The following TRAPPC10 variants were observed in gnomAD, a reference collection of about 807,000 sequenced individuals.
TRAPPC10 encodes trafficking protein particle complex subunit 10.
Under a neutral mutation model 125.5 loss-of-function variants are expected in TRAPPC10, and 23 were observed. The ratio of observed to expected loss-of-function variants is 0.18; its 90% CI spans 0.13 to 0.26. The LOEUF is 0.26. Ranked by LOEUF, TRAPPC10 falls within the 10% of genes least tolerant of loss-of-function variation. TRAPPC10 has a pLI of 1.00. For missense variants in TRAPPC10, 1,123 were observed against 1,308.4 expected (o/e 0.86, Z 2.19); for synonymous variants, 509 against 518.0 (o/e 0.98, Z 0.24).
At chr21:44,031,925 G>T (rs893386351) in intron 1 of TRAPPC10, among the ~76,000 whole-genome samples, 166 bp from the exon 2 acceptor site, 5 of 152,170 alleles carry the variant, frequency 3.3e-5, no homozygotes, top group Non-Finnish European at 7.3e-5. Flanking sequence ...CCCGTGCTGG[G>T]TTTTCCTGAG....
intron 7 of TRAPPC10, among the ~76,000 whole-genome samples, chr21:44,067,489 C>T (rs181653811): frequency 6.6e-6 from 1 of 152,180 alleles, no homozygotes; most frequent in East Asian, 1.9e-4. Flanking sequence ...GTTGTGAGAG[C>T]TGTTGCTGAA....
chr21:44,049,294 C>T (rs924593458), intron 3 of TRAPPC10, among the ~76,000 whole-genome samples: 14 of 152,326 alleles, frequency 9.2e-5, no homozygotes, highest in African/African-American at 3.4e-4. Flanking sequence ...CTGGTTTCCT[C>T]CCTTCTATGT....
At chr21:44,069,862 T>C (rs2036730142) in intron 7 of TRAPPC10, among the ~76,000 whole-genome samples, 1 of 152,014 alleles carries the variant, frequency 6.6e-6, no homozygotes, top group East Asian at 1.9e-4. Context: ...AACCTGAAGT[T>C]GAGCTAAAGA....
At chr21:44,029,150 A>C (rs1024632728) in intron 1 of TRAPPC10, among the ~76,000 whole-genome samples, 2 of 152,160 alleles carry the variant, frequency 1.3e-5, no homozygotes, top group Non-Finnish European at 2.9e-5. Flanking sequence ...GCTGGAGTGC[A>C]GTGGCGTGAT....
intron 3 of TRAPPC10, 137 bp downstream of exon 3, chr21:44,038,064 A>G (rs2034124010): frequency 1.6e-6 from 2 of 1,263,354 alleles, no homozygotes; most frequent in Admixed American, 4.5e-5. Context: ...CTGTGTGAGT[A>G]CCAGTGGGGG....
At position 44,032,074 on chromosome 21, in the gene TRAPPC10, C is replaced by G; in HGVS notation, c.68-17C>G. On this transcript the variant is annotated splice_polypyrimidine_tract_variant and intron_variant, in intron 1 of 22. Coordinates refer to ENST00000291574, the MANE Select transcript of TRAPPC10 (RefSeq NM_003274.5). ...ACCTAAAAATATGGTAACTGAATTT[C>G]TTTCTTCCCTTCATAGGTGCTGGAG... is the stretch of plus-strand genomic sequence containing the variant. 2 of 1,601,950 alleles carry G rather than the reference C, an allele frequency of 1.2e-6. No homozygotes were observed. The highest frequency in any genetic ancestry group is 1.7e-6 in the Non-Finnish European group (2 of 1,173,396).
At chr21:44,088,134 G>T (rs900907583) in intron 17 of TRAPPC10, 6 of 587,038 alleles carry the variant, frequency 1.0e-5, no homozygotes, top group African/African-American at 9.3e-5. Flanking sequence ...AGACAAGCCA[G>T]CTCTACCTTT....
chr21:44,087,504 T>G lies in TRAPPC10; in HGVS notation c.2540-195T>G, dbSNP rs1366668011. 6.6e-6 allele frequency among the ~76,000 whole-genome samples: 1 copy of G among 152,146 alleles called. No homozygotes were observed. The highest frequency in any genetic ancestry group is 1.5e-5 in the Non-Finnish European group (1 of 68,012). On this transcript the variant is annotated intron_variant, in intron 16 of 22. Transcript: ENST00000291574. The surrounding 1 kb of genome is among the most constrained non-coding windows in gnomAD (Gnocchi z 4.6). ...TCTTCAGATTGAGATCAATGATGGG[T>G]CTGGGCGCCTGCCTGCCGGCTTTCA...
intron 15 of TRAPPC10, among the ~76,000 whole-genome samples, chr21:44,085,213 A>G (rs1484906563): frequency 6.6e-6 from 1 of 151,962 alleles, no homozygotes; most frequent in African/African-American, 2.4e-5. Flanking sequence ...CCAGCCTCCA[A>G]TCAACTCATT....
At chr21:44,043,501 C>T (rs545637254) in intron 3 of TRAPPC10, among the ~76,000 whole-genome samples, 23 of 152,262 alleles carry the variant, frequency 1.5e-4, no homozygotes, top group African/African-American at 4.8e-4. Flanking sequence ...CGTGAGCCAC[C>T]GTGCCTGGCC....
intron 1 of TRAPPC10, among the ~76,000 whole-genome samples, chr21:44,018,793 T>G (rs1430044893): frequency 6.6e-6 from 1 of 152,044 alleles, no homozygotes; most frequent in Non-Finnish European, 1.5e-5. Flanking sequence ...CAACTGACAG[T>G]GTGATTGTGT....
At chr21:44,022,846 A>G (rs1367370139) in intron 1 of TRAPPC10, among the ~76,000 whole-genome samples, 2 of 151,484 alleles carry the variant, frequency 1.3e-5, no homozygotes, top group Non-Finnish European at 2.9e-5. Context: ...TTGGAGCTGG[A>G]GGCTGGGTCA....
intron 20 of TRAPPC10, among the ~76,000 whole-genome samples, chr21:44,094,826 A>G (rs1194108765): frequency 6.6e-6 from 1 of 152,052 alleles, no homozygotes; most frequent in Admixed American, 6.6e-5. Context: ...TCTTCTCTTT[A>G]CTATTTGAAA....
intron 2 of TRAPPC10, among the ~76,000 whole-genome samples, chr21:44,033,842 G>C (rs894976148): frequency 6.6e-6 from 1 of 152,178 alleles, no homozygotes; most frequent in Non-Finnish European, 1.5e-5. Context: ...CAGCCTGGGT[G>C]ACAGAGCAAG....
chr21:44,037,281 TA>T (rs1274222196), intron 2 of TRAPPC10, among the ~76,000 whole-genome samples: 15 of 152,302 alleles, frequency 9.8e-5, no homozygotes, highest in Middle Eastern at 3.4e-3. Flanking sequence ...GAGAATAAAG[TA>T]GAGGTTTGTC....
Position 44,059,445 on chromosome 21 carries a change from T to A in TRAPPC10, c.790+231T>A. ...CTTAAGTAACAAAAATAATAATAAT[T>A]TAAAAAAACTGTTTTCCAGGTATAA... On this transcript the variant is annotated intron_variant, in intron 6 of 22. Coordinates refer to ENST00000291574, the MANE Select transcript of TRAPPC10 (RefSeq NM_003274.5). The surrounding 1 kb of genome is among the most constrained non-coding windows in gnomAD (Gnocchi z 4.4). 1.4e-6 allele frequency: 1 copy of A among 712,510 alleles called. No homozygotes were observed. The highest frequency in any genetic ancestry group is 2.6e-6 in the Non-Finnish European group (1 of 385,514). 44.1% of individuals were successfully genotyped at this position (712,510 alleles called of 1,614,324 possible). A position where few individuals can be genotyped will look rare whatever the true frequency, so the allele number is the denominator to read the frequency against.
At chr21:44,091,765 G>A (rs1426965298) in intron 18 of TRAPPC10, 158 bp from the exon 19 acceptor site, 36 of 701,400 alleles carry the variant, frequency 5.1e-5, no homozygotes, top group African/African-American at 1.3e-4. Context: ...GGCACTTTTC[G>A]GTGTGAAATC....
rs143954512 is a variant in TRAPPC10, at chr21:44,045,845, C to T, written c.286-6435C>T. ...TGCTGGGATTACAGGCGTGAGCCACCGCACCGGGCCAAGATTTTTTTTCTT... is the reference window on the plus strand; with the variant it reads ...TGCTGGGATTACAGGCGTGAGCCACTGCACCGGGCCAAGATTTTTTTTCTT... On this transcript the variant is annotated intron_variant, in intron 3 of 22. Coordinates refer to ENST00000291574, the MANE Select transcript of TRAPPC10 (RefSeq NM_003274.5). Among the ~76,000 whole-genome samples the T allele has an allele frequency of 6.8e-3, 1,029 of 152,176 alleles. 10 individuals are homozygous for T. Among genetic ancestry groups the T allele is most frequent in the African/African-American group, 0.024 (996 of 41,510 alleles).
rs1394390954 is a variant in TRAPPC10, at chr21:44,063,718, C to T, written c.971C>T (p.Pro324Leu). ...QCTLLLFLQR[P>L]WEVAQRALEL... The stretch of plus-strand genomic sequence containing the variant: ...ACCTTGCTGCTCTTCCTGCAGAGGC[C>T]GTGGGAGGTGGCCCAGCGCGCCCTA... Residue 324 changes from proline (P) to leucine (L), a missense_variant, in exon 7 of 23, where the codon CCG (proline) becomes CTG (leucine). Pro to Leu is a moderately conservative substitution (Grantham distance 98). Around this residue, in one of 4 missense-constraint regions of TRAPPC10, gnomAD observed 91 missense variants for 127.1 expected, o/e 0.72. Transcript: ENST00000291574. This position sits in a 1 kb window ranked among gnomAD's most constrained non-coding sequence, Gnocchi z 4.4. 11 of 1,614,048 alleles carry T rather than the reference C, an allele frequency of 6.8e-6. No homozygotes were observed. The highest frequency in any genetic ancestry group is 1.1e-5 in the South Asian group (1 of 91,086).
Sources: gnomAD v4.1 joint callset for allele counts (sites outside exome capture counted in the v4.1 genomes callset) on GRCh38, gnomAD v4.1.1 for gene constraint, gnomAD v4.1.1 regional missense constraint, Gnocchi (gnomAD v3.1) non-coding constraint, MANE v1.5 for transcripts, NCBI Gene and HGNC (gene_info 2026-07-23, HGNC 2026-07-21) for gene names.